SRGAP1: variants seen among roughly 807,000 people sequenced by gnomAD.
SRGAP1 encodes SLIT-ROBO Rho GTPase-activating protein 1.
Under a neutral mutation model 121.9 loss-of-function variants are expected in SRGAP1, and 43 were observed. The observed-to-expected ratio is 0.35, with a 90% confidence interval of 0.28 to 0.46. The LOEUF (loss-of-function observed/expected upper bound fraction) is 0.46, where lower values mean the gene tolerates loss of function less well. SRGAP1 is among the 20% of genes least tolerant of loss of function. The pLI is 1.00. For synonymous variants in SRGAP1, 447 were observed against 485.4 expected (o/e 0.92, Z 1.04); for missense variants, 1,102 against 1,350.9 (o/e 0.82, Z 2.89).
At chr12:63,890,851 C>A (rs192002331) in intron 1 of SRGAP1, among the ~76,000 whole-genome samples, 57 of 152,294 alleles carry the variant, frequency 3.7e-4, no homozygotes, top group African/African-American at 1.4e-3. Flanking sequence ...GTTAAATGCC[C>A]CCATCTCTTG....
chr12:63,980,938 T>A (rs1247296341), intron 1 of SRGAP1, among the ~76,000 whole-genome samples: 3 of 152,116 alleles, frequency 2.0e-5, no homozygotes, highest in African/African-American at 7.2e-5. Context: ...GTTGATTTTT[T>A]AAAAATGATC....
intron 1 of SRGAP1, among the ~76,000 whole-genome samples, chr12:63,863,059 G>T (rs566736903): frequency 6.6e-6 from 1 of 152,258 alleles, no homozygotes; most frequent in Non-Finnish European, 1.5e-5. Context: ...TTCTTTGGCT[G>T]TGACAAGTTT....
rs751531709 is a variant in SRGAP1, at chr12:63,994,740, A to C, written c.426+4668A>C. On this transcript the variant is annotated intron_variant, in intron 3 of 21. Coordinates refer to ENST00000355086, the MANE Select transcript of SRGAP1 (RefSeq NM_020762.4). ...CAGAATTTGGAGGCTCCTGCTACACAAGGGCTTGTTTCATTCTCAACCCTC... is the reference window on the plus strand; with the variant it reads ...CAGAATTTGGAGGCTCCTGCTACACCAGGGCTTGTTTCATTCTCAACCCTC... Among the ~76,000 whole-genome samples, 29 of 152,270 alleles carry C rather than the reference A, an allele frequency of 1.9e-4. 1 individual carries two copies. Among genetic ancestry groups the C allele is most frequent in the Middle Eastern group, 6.8e-3 (2 of 292 alleles).
At chr12:63,849,045 C>G (rs1377486555) in intron 1 of SRGAP1, among the ~76,000 whole-genome samples, 3 of 152,050 alleles carry the variant, frequency 2.0e-5, no homozygotes, top group African/African-American at 7.2e-5. Context: ...AAAAGGGGAC[C>G]CCAGGCAACA....
chr12:64,022,931 TGTAAGAG>T (rs1394276231), intron 4 of SRGAP1, among the ~76,000 whole-genome samples: 4 of 150,848 alleles, frequency 2.7e-5, no homozygotes, highest in Admixed American at 6.6e-5. Context: ...ATATGGGAGG[TGTAAGAG>T]GTAAGAGGAA....
intron 1 of SRGAP1, among the ~76,000 whole-genome samples, chr12:63,916,862 A>G (rs1318690195): frequency 6.6e-6 from 1 of 152,146 alleles, no homozygotes; most frequent in Admixed American, 6.6e-5. Context: ...CCCTCTATCC[A>G]TTTATTTCTC....
chr12:63,937,101 G>A (rs920691825), intron 1 of SRGAP1, among the ~76,000 whole-genome samples: 2 of 152,226 alleles, frequency 1.3e-5, no homozygotes, highest in African/African-American at 4.8e-5. Context: ...GCAGCAGAGA[G>A]TGAAAGTGTG....
chr12:64,089,559 T>C (rs1468336362), intron 11 of SRGAP1, among the ~76,000 whole-genome samples: 1 of 152,218 alleles, frequency 6.6e-6, no homozygotes, highest in Non-Finnish European at 1.5e-5. Context: ...TGAAATCAAG[T>C]ATGTAGGGTT....
chr12:63,914,981 T>C (rs2030712354), intron 1 of SRGAP1, among the ~76,000 whole-genome samples: 1 of 152,216 alleles, frequency 6.6e-6, no homozygotes, highest in Non-Finnish European at 1.5e-5. Flanking sequence ...ATTGGACAAT[T>C]GATACTTAAA....
At chr12:64,031,085 A>G (rs951917020) in intron 4 of SRGAP1, among the ~76,000 whole-genome samples, 1 of 152,166 alleles carries the variant, frequency 6.6e-6, no homozygotes, top group African/African-American at 2.4e-5. Flanking sequence ...TGGGAGGCCA[A>G]GGTGGGTGGA....
intron 15 of SRGAP1, among the ~76,000 whole-genome samples, chr12:64,103,121 AG>A (rs1243651158): frequency 1.3e-5 from 2 of 152,094 alleles, no homozygotes; most frequent in African/African-American, 4.8e-5. Flanking sequence ...CTGGGACCAC[AG>A]GCGTGCACCA....
At chr12:63,946,878 T>C (rs2032066455) in intron 1 of SRGAP1, among the ~76,000 whole-genome samples, 1 of 152,216 alleles carries the variant, frequency 6.6e-6, no homozygotes, top group Non-Finnish European at 1.5e-5. Flanking sequence ...ATAAATGGAA[T>C]CATACAGTAA....
At chr12:63,954,170 T>C (rs1450181696) in intron 1 of SRGAP1, among the ~76,000 whole-genome samples, 1 of 152,206 alleles carries the variant, frequency 6.6e-6, no homozygotes, top group Admixed American at 6.5e-5. Flanking sequence ...GAAACTTTTT[T>C]TCCTCTGCCT....
Position 63,958,485 on chromosome 12 carries a change from T to G in SRGAP1, c.68-25462T>G, listed in dbSNP as rs2032541429. Among the ~76,000 whole-genome samples, 4 of 152,204 alleles carry G rather than the reference T, an allele frequency of 2.6e-5. 1 individual carries two copies. In the South Asian group the frequency reaches 8.3e-4, roughly 31 times the overall value. On this transcript the variant is annotated intron_variant, in intron 1 of 21. Coordinates refer to ENST00000355086, the MANE Select transcript of SRGAP1 (RefSeq NM_020762.4). ...TGGTTTTCATAGTGGCCATTAACTA[T>G]GATTGATTGTCCTTGTTGAACGATG...
intron 1 of SRGAP1, among the ~76,000 whole-genome samples, chr12:63,961,236 G>C (rs1277326639): frequency 1.3e-5 from 2 of 152,224 alleles, no homozygotes; most frequent in African/African-American, 2.4e-5. Flanking sequence ...GTACTGTGTA[G>C]TGTCAGCATA....
chr12:63,952,915 G>T (rs748445596), intron 1 of SRGAP1, among the ~76,000 whole-genome samples: 1 of 152,058 alleles, frequency 6.6e-6, no homozygotes. Flanking sequence ...CAAAGTACTG[G>T]GATTATAGGC....
chr12:63,956,121 C>T (rs1273045284), intron 1 of SRGAP1, among the ~76,000 whole-genome samples: 22 of 152,006 alleles, frequency 1.4e-4, no homozygotes, highest in Non-Finnish European at 5.9e-5. Flanking sequence ...AGTGCATTGG[C>T]GCAATCCCGA....
intron 1 of SRGAP1, among the ~76,000 whole-genome samples, chr12:63,846,572 A>G (rs1004508292): frequency 6.6e-6 from 1 of 152,204 alleles, no homozygotes; most frequent in African/African-American, 2.4e-5. Flanking sequence ...ATCAAATTCA[A>G]ACGGAAGAAA....
rs1277898377 is a variant in SRGAP1 at position 63,908,611 on chromosome 12, A to T, written c.67+63728A>T. On this transcript the variant is annotated intron_variant, in intron 1 of 21. Transcript: ENST00000355086. ...CACCATGTTGGCCAGGCTGGTCTTG[A>T]ACTCCTGACCTCAAGTGATCCACCT... Among the ~76,000 whole-genome samples, 8 of 152,258 alleles carry T rather than the reference A, an allele frequency of 5.3e-5. No individual in the cohort carries two copies. In the East Asian group the frequency reaches 1.5e-3, roughly 29 times the overall value.
Sources: allele counts gnomAD v4.1 joint callset (sites outside exome capture counted in the v4.1 genomes callset), GRCh38; gene constraint gnomAD v4.1.1; transcripts MANE v1.5; gene names NCBI Gene and HGNC (gene_info 2026-07-23, HGNC 2026-07-21).